Variants in ANO4 observed in about 807,000 individuals in gnomAD.
The protein encoded by ANO4 is anoctamin-4.
A neutral mutation model predicts 141.9 loss-of-function variants in ANO4; 69 were observed. That is an observed-to-expected ratio of 0.49 (90% CI 0.40 to 0.59). The LOEUF (loss-of-function observed/expected upper bound fraction) is 0.59. Among genes scored for constraint, ANO4 ranks in the 20% least tolerant of loss-of-function variants. The pLI is 0.00. For missense variants in ANO4, 894 were observed against 1,162.2 expected (o/e 0.77, Z 3.36); for synonymous variants, 350 against 394.3 (o/e 0.89, Z 1.33).
chr12:101,103,439 A>G (rs1006018662), intron 22 of ANO4, among the ~76,000 whole-genome samples: 1 of 151,284 alleles, frequency 6.6e-6, no homozygotes, highest in African/African-American at 2.4e-5. Flanking sequence ...AGTTATTATC[A>G]TGACTAGTAT....
At chr12:101,054,822 A>T (rs1334400860) in intron 14 of ANO4, among the ~76,000 whole-genome samples, 1 of 150,158 alleles carries the variant, frequency 6.7e-6, no homozygotes, top group Non-Finnish European at 1.5e-5. Context: ...AAGTTTCCTC[A>T]TGCCTCTGCA....
At chr12:101,022,132 C>T (rs2046559950) in intron 9 of ANO4, among the ~76,000 whole-genome samples, 2 of 151,182 alleles carry the variant, frequency 1.3e-5, no homozygotes, top group Non-Finnish European at 2.9e-5. Flanking sequence ...TAGTCCAGAT[C>T]TGATTACAAC....
chr12:100,925,810 C>T (rs866237631), intron 3 of ANO4, among the ~76,000 whole-genome samples: 1 of 69,166 alleles, frequency 1.4e-5, no homozygotes, highest in Admixed American at 1.8e-4. Context: ...TGTATACATA[C>T]ATATACATAC....
At position 100,897,870 on chromosome 12, in the gene ANO4, C is replaced by G. The variant is rs552220249; in HGVS notation, c.-140-3776C>G. 3.3e-5 allele frequency among the ~76,000 whole-genome samples: 5 copies of G among 152,278 alleles called. No individual in the cohort carries two copies. The East Asian group carries it at 9.6e-4, about 29-fold the overall frequency. ...ACAGATGGTTCTTTAAGAGCTTAGGCCAAAGGACTCTCAACATTCTGGGCT... is the reference window on the plus strand; with the variant it reads ...ACAGATGGTTCTTTAAGAGCTTAGGGCAAAGGACTCTCAACATTCTGGGCT... On this transcript the variant is annotated intron_variant, in intron 1 of 27. Coordinates refer to ENST00000392977, the MANE Select transcript of ANO4 (RefSeq NM_001286615.2).
chr12:101,086,939 C>G, intron 17 of ANO4, 115 bp downstream of exon 17: 1 of 1,212,984 alleles, frequency 8.2e-7, no homozygotes, highest in Non-Finnish European at 1.1e-6. Context: ...TCACATAGCA[C>G]TGATGTCCTG....
intron 1 of ANO4, chr12:100,859,105 C>T (rs1467372619): frequency 1.3e-5 from 2 of 152,154 alleles, no homozygotes; most frequent in Non-Finnish European, 2.9e-5. Context: ...AGGCTGTTCA[C>T]AAGTATATGG....
chr12:100,964,839 TC>T (rs970986226), intron 5 of ANO4, among the ~76,000 whole-genome samples: 1 of 152,186 alleles, frequency 6.6e-6, no homozygotes, highest in African/African-American at 2.4e-5. Context: ...AGCATCTCCT[TC>T]CCACCATTAC....
chr12:100,908,717 A>G (rs1353220630), intron 2 of ANO4, among the ~76,000 whole-genome samples: 3 of 152,154 alleles, frequency 2.0e-5, no homozygotes, highest in Non-Finnish European at 2.9e-5. Flanking sequence ...AGCTTGGACA[A>G]TTTAGTCATA....
intron 9 of ANO4, among the ~76,000 whole-genome samples, chr12:101,036,200 A>G (rs2047186731): frequency 6.6e-6 from 1 of 152,164 alleles, no homozygotes; most frequent in Admixed American, 6.5e-5. Context: ...AAAAGTGGTA[A>G]GTGTTGGCAA....
intron 1 of ANO4, among the ~76,000 whole-genome samples, chr12:100,856,811 A>G (rs1394705211): frequency 2.6e-5 from 4 of 152,120 alleles, no homozygotes; most frequent in Non-Finnish European, 5.9e-5. Context: ...GTGGCAGGAT[A>G]TAAAACCAGG....
intron 1 of ANO4, among the ~76,000 whole-genome samples, chr12:100,899,827 G>A (rs529558086): frequency 6.6e-6 from 1 of 151,890 alleles, no homozygotes; most frequent in East Asian, 1.9e-4. Context: ...TTTTTTTAAT[G>A]TTCAATATCC....
At chr12:100,900,992 A>T (rs543179635) in intron 1 of ANO4, among the ~76,000 whole-genome samples, 1 of 152,210 alleles carries the variant, frequency 6.6e-6, no homozygotes, top group Admixed American at 6.5e-5. Flanking sequence ...GTCCATATTA[A>T]TGATGTAATC....
chr12:100,999,494 A>G (rs1311552110), intron 8 of ANO4, among the ~76,000 whole-genome samples: 3 of 152,178 alleles, frequency 2.0e-5, no homozygotes, highest in Non-Finnish European at 4.4e-5. Context: ...AGGTCAGCTG[A>G]TTAGCAACTT....
At chr12:101,121,394 T>C (rs1484021391) in intron 26 of ANO4, among the ~76,000 whole-genome samples, 1 of 152,232 alleles carries the variant, frequency 6.6e-6, no homozygotes, top group Non-Finnish European at 1.5e-5. Context: ...ACATCCATGT[T>C]GCTGCAAAGG....
At chr12:101,075,636 A>AATATATAT (rs140118773) in intron 14 of ANO4, among the ~76,000 whole-genome samples, 1 of 149,068 alleles carries the variant, frequency 6.7e-6, no homozygotes, top group South Asian at 2.1e-4. Flanking sequence ...GTATAAGAGA[A>AATATATAT]ATATATATAT....
intron 17 of ANO4, among the ~76,000 whole-genome samples, chr12:101,091,136 T>G (rs2049754013): frequency 1.3e-5 from 2 of 152,340 alleles, no homozygotes; most frequent in Non-Finnish European, 1.5e-5. Context: ...TCATTTATTT[T>G]AGATATAACA....
chr12:101,055,587 A>G (rs1050720842), intron 14 of ANO4, among the ~76,000 whole-genome samples: 3 of 152,172 alleles, frequency 2.0e-5, no homozygotes, highest in Non-Finnish European at 2.9e-5. Flanking sequence ...GCTTCATCTT[A>G]CAGGTGTTTG....
intron 3 of ANO4, among the ~76,000 whole-genome samples, chr12:100,779,233 C>G (rs1198101659): frequency 6.6e-6 from 1 of 152,226 alleles, no homozygotes; most frequent in Admixed American, 6.5e-5. Context: ...TGAAGTGCCA[C>G]TGGGGTTTCA....
At chr12:101,113,994 T>C (rs2050758332) in intron 24 of ANO4, among the ~76,000 whole-genome samples, 2 of 152,216 alleles carry the variant, frequency 1.3e-5, no homozygotes, top group African/African-American at 4.8e-5. Context: ...CAGGAAACCC[T>C]TCGTCTGTTA....
Sources: gnomAD v4.1 joint callset for allele counts (sites outside exome capture counted in the v4.1 genomes callset) on GRCh38, gnomAD v4.1.1 for gene constraint, MANE v1.5 for transcripts, NCBI Gene and HGNC (gene_info 2026-07-23, HGNC 2026-07-21) for gene names.